The following NLK variants were observed in gnomAD, a reference collection of about 807,000 sequenced individuals.
NLK encodes the protein serine/threonine-protein kinase NLK.
NLK carries 11 observed loss-of-function variants against 59.0 expected under a neutral mutation model. The ratio of observed to expected loss-of-function variants is 0.19; its 90% CI spans 0.12 to 0.31. NLK has a LOEUF of 0.31. Ranked by LOEUF, NLK falls within the 10% of genes least tolerant of loss-of-function variation. The pLI, the probability that NLK is intolerant of heterozygous loss-of-function variation, is 1.00. For synonymous variants in NLK, 235 were observed against 235.9 expected, an observed-to-expected ratio of 1.00 and a Z score of 0.03; for missense variants, 410 against 661.1, an observed-to-expected ratio of 0.62 and a Z score of 4.16.
intron 7 of NLK, among the ~76,000 whole-genome samples, chr17:28,179,552 G>A (rs189996304): frequency 5.0e-4 from 76 of 152,264 alleles, no homozygotes; most frequent in African/African-American, 1.8e-3. Context: ...CCAACATGGT[G>A]AAAGCCTGTC....
Position 28,147,663 on chromosome 17 carries a change from T to G in NLK, c.645-13497T>G, listed in dbSNP as rs1597709688. On this transcript the variant is annotated intron_variant, in intron 3 of 10. Coordinates refer to ENST00000407008, the MANE Select transcript of NLK (RefSeq NM_016231.5). ...TTTTAATTCTAAGCAACCCTCTCTGTTCTCTCCCTTTTTGATATCTCTAAT... is the reference window on the plus strand; with the variant it reads ...TTTTAATTCTAAGCAACCCTCTCTGGTCTCTCCCTTTTTGATATCTCTAAT... 4.6e-5 allele frequency among the ~76,000 whole-genome samples: 7 copies of G among 152,190 alleles called. No homozygotes were observed. In the South Asian group the frequency reaches 1.4e-3, roughly 32 times the overall value.
intron 3 of NLK, among the ~76,000 whole-genome samples, chr17:28,147,923 G>T (rs1907325400): frequency 6.6e-6 from 1 of 152,012 alleles, no homozygotes; most frequent in African/African-American, 2.4e-5. Flanking sequence ...ACCCATTAAT[G>T]GTGAGAAGCT....
downstream of NLK, among the ~76,000 whole-genome samples, chr17:28,200,591 C>A (rs189753198): frequency 1.0e-3 from 152 of 152,322 alleles, no homozygotes; most frequent in Non-Finnish European, 1.9e-3. Flanking sequence ...TCAAGCGATT[C>A]TCCTGCCTCA....
chr17:28,107,276 A>T (rs1288683771), intron 1 of NLK, among the ~76,000 whole-genome samples: 1 of 152,006 alleles, frequency 6.6e-6, no homozygotes, highest in Non-Finnish European at 1.5e-5. Context: ...CTCTACTAAA[A>T]ATACAAAAAT....
In NLK at chr17:28,191,185, C is replaced by A. The variant is rs34059108; in HGVS notation, c.1401C>A (p.Phe467Leu). The change falls in exon 9 of 11, where the codon TTC (phenylalanine) becomes TTA (leucine). Residue 467 changes from phenylalanine (F) to leucine (L), a missense_variant. Around this residue, in one of 5 missense-constraint regions of NLK, gnomAD observed 150 missense variants for 244.3 expected, o/e 0.61. Transcript: ENST00000407008. ...CCAATCCCAAATTTGATGACACTTT[C>A]GAGAAGAACCTCAGTTCTGTCCGAC... is the stretch of plus-strand genomic sequence containing the variant. Reference protein sequence around the residue: ...PVTNPKFDDTFEKNLSSVRQV... With the variant: ...PVTNPKFDDTLEKNLSSVRQV... 1 of 1,612,872 alleles carries A rather than the reference C, an allele frequency of 6.2e-7. No homozygotes were observed. The highest frequency in any genetic ancestry group is 1.3e-5 in the African/African-American group (1 of 74,882).
intron 1 of NLK, among the ~76,000 whole-genome samples, chr17:28,110,971 A>C (rs1349371202): frequency 6.7e-6 from 1 of 149,584 alleles, no homozygotes; most frequent in Non-Finnish European, 1.5e-5. Flanking sequence ...CAGCCTCCCA[A>C]GTAGCTGGGA....
rs1163318565 is a variant in NLK, at chr17:28,170,846, C to G, written c.1048-1671C>G. ...CCCTTTGCTAGAGAAATACATAGAT[C>G]TTCAGTTTGGCAGTCTGACATAGCC... On this transcript the variant is annotated intron_variant, in intron 6 of 10. Transcript: ENST00000407008. 2.6e-5 allele frequency among the ~76,000 whole-genome samples: 4 copies of G among 152,158 alleles called. No homozygotes were observed. In the East Asian group the frequency reaches 7.7e-4, roughly 29 times the overall value.
chr17:28,178,288 G>A (rs1046400458), intron 7 of NLK, among the ~76,000 whole-genome samples: 1 of 152,150 alleles, frequency 6.6e-6, no homozygotes, highest in African/African-American at 2.4e-5. Context: ...GCCAGGCCTG[G>A]GTCAGGTGCC....
chr17:28,050,367 T>C (rs1909206547), intron 1 of NLK, among the ~76,000 whole-genome samples: 1 of 152,112 alleles, frequency 6.6e-6, no homozygotes, highest in Admixed American at 6.5e-5. Context: ...TAGAGCTCAA[T>C]CATGAAGAGG....
At chr17:28,153,357 A>G (rs1907567518) in intron 3 of NLK, among the ~76,000 whole-genome samples, 1 of 151,984 alleles carries the variant, frequency 6.6e-6, no homozygotes. Context: ...TGGGTGGTTT[A>G]TAAACAACAC....
At chr17:28,190,925 T>C in intron 8 of NLK, 96 bp from the exon 9 acceptor site, 1 of 811,682 alleles carries the variant, frequency 1.2e-6, no homozygotes, top group Non-Finnish European at 2.0e-6. Context: ...ATTATATATA[T>C]GCTATGTCAA....
At chr17:28,077,908 T>C (rs1206890206) in intron 1 of NLK, among the ~76,000 whole-genome samples, 3 of 152,210 alleles carry the variant, frequency 2.0e-5, no homozygotes, top group Non-Finnish European at 4.4e-5. Flanking sequence ...TTAACAAATA[T>C]ATAGATGCAC....
intron 1 of NLK, among the ~76,000 whole-genome samples, chr17:28,111,866 G>GTGTA (rs1417810588): frequency 9.1e-6 from 1 of 109,896 alleles, no homozygotes; most frequent in Non-Finnish European, 1.8e-5. Context: ...TATACCGTGT[G>GTGTA]TGTGTGTGTG....
intron 1 of NLK, among the ~76,000 whole-genome samples, chr17:28,064,629 C>T (rs1909768383): frequency 6.6e-6 from 1 of 152,168 alleles, no homozygotes; most frequent in East Asian, 1.9e-4. Flanking sequence ...AACTCCTAGG[C>T]TCAAGCAGTC....
chr17:28,052,844 G>A (rs1332855522), intron 1 of NLK, among the ~76,000 whole-genome samples: 3 of 149,324 alleles, frequency 2.0e-5, no homozygotes, highest in Non-Finnish European at 3.0e-5. Context: ...GTGTTCTGTA[G>A]CCACACATGG....
intron 1 of NLK, among the ~76,000 whole-genome samples, chr17:28,045,479 C>G (rs1354027754): frequency 3.9e-5 from 6 of 152,066 alleles, no homozygotes; most frequent in Non-Finnish European, 8.8e-5. Flanking sequence ...TGTGGATGGC[C>G]GTCCTCCTGT....
At chr17:28,203,890 T>G in the NLK span, among the ~76,000 whole-genome samples, 52 of 152,314 alleles carry the variant, frequency 3.4e-4, no homozygotes, top group East Asian at 8.7e-3. Context: ...GGCTGTCTTG[T>G]ATCCAGGCTG....
intron 3 of NLK, among the ~76,000 whole-genome samples, chr17:28,154,839 G>A (rs1388996889): frequency 6.6e-6 from 1 of 152,088 alleles, no homozygotes. Flanking sequence ...TTCAAGACCA[G>A]CCTGGCCAAC....
At chr17:28,131,321 A>G (rs1373139760) in intron 2 of NLK, among the ~76,000 whole-genome samples, 1 of 151,992 alleles carries the variant, frequency 6.6e-6, no homozygotes, top group African/African-American at 2.4e-5. Flanking sequence ...GAGAAAATAG[A>G]AAATTTGAGA....
Sources: allele counts gnomAD v4.1 joint callset (sites outside exome capture counted in the v4.1 genomes callset), GRCh38; gene constraint gnomAD v4.1.1; regional missense constraint gnomAD v4.1.1; transcripts MANE v1.5; gene names NCBI Gene and HGNC (gene_info 2026-07-23, HGNC 2026-07-21).